PKHD1L1: variants seen among roughly 807,000 people sequenced by gnomAD.
PKHD1L1 encodes the protein fibrocystin-L.
Under a neutral mutation model 462.9 loss-of-function variants are expected in PKHD1L1, and 434 were observed. The observed-to-expected ratio is 0.94, with a 90% CI of 0.87 to 1.02. PKHD1L1 has a LOEUF of 1.02. PKHD1L1 is among the 50% of genes least tolerant of loss of function. PKHD1L1 has a pLI of 0.00. For synonymous variants in PKHD1L1, 1,781 were observed against 1,750.0 expected, an observed-to-expected ratio of 1.02 and a Z score of -0.44; for missense variants, 5,202 against 5,096.1, an observed-to-expected ratio of 1.02 and a Z score of -0.63.
intron 49 of PKHD1L1, among the ~76,000 whole-genome samples, chr8:109,466,142 G>A (rs1409485626): frequency 6.6e-6 from 1 of 152,102 alleles, no homozygotes; most frequent in Non-Finnish European, 1.5e-5. Flanking sequence ...CTTTAAAGAG[G>A]GAGAATGTTT....
intron 51 of PKHD1L1, among the ~76,000 whole-genome samples, chr8:109,476,042 A>G (rs1192966510): frequency 6.6e-6 from 1 of 152,084 alleles, no homozygotes. Flanking sequence ...TCCATCTTAT[A>G]CATGTTCTTC....
chr8:109,536,076 T>C lies in PKHD1L1; in HGVS notation c.*5986T>C, dbSNP rs1821141393. ...TTTGTTAATATATTGCTAGTAGACA[T>C]GTCTACTTCTGGTTGCTGATGACAT... is the stretch of plus-strand genomic sequence containing the variant. On this transcript the variant is annotated 3_prime_UTR_variant, in exon 78 of 78. Transcript: ENST00000378402. Among the ~76,000 whole-genome samples the C allele has an allele frequency of 6.6e-6, 1 of 152,198 alleles. No individual in the cohort carries two copies. Among genetic ancestry groups the C allele is most frequent in the Non-Finnish European group, 1.5e-5 (1 of 68,032 alleles).
chr8:109,517,957 T>A (rs1820356939), intron 72 of PKHD1L1, among the ~76,000 whole-genome samples: 1 of 152,086 alleles, frequency 6.6e-6, no homozygotes, highest in Non-Finnish European at 1.5e-5. Flanking sequence ...TGTGTAATGA[T>A]TATTTGTGGT....
intron 8 of PKHD1L1, among the ~76,000 whole-genome samples, chr8:109,389,866 T>G (rs1242969583): frequency 6.6e-6 from 1 of 152,148 alleles, no homozygotes; most frequent in African/African-American, 2.4e-5. Context: ...CTCTTCTGTC[T>G]CAGGCCCTTT....
Position 109,461,874 on chromosome 8 carries a change from C to T in PKHD1L1, c.7349C>T (p.Ala2450Val). The T allele has an allele frequency of 3.7e-6, 6 of 1,604,412 alleles. No homozygotes were observed. The South Asian group carries it at 4.5e-5, about 12-fold the overall frequency. The change falls in exon 48 of 78, where the codon GCT becomes GTT. Residue 2450 changes from alanine (A) to valine (V), a missense_variant. Around this residue, in one of 3 missense-constraint regions of PKHD1L1, gnomAD observed 4,497 missense variants for 4,336.8 expected, o/e 1.04. Coordinates refer to ENST00000378402, the MANE Select transcript of PKHD1L1 (RefSeq NM_177531.6). ...CVMFHAPVPGANMVTGRIEYV... is the reference protein window; with the variant it reads ...CVMFHAPVPGVNMVTGRIEYV... ...ATGTTTCATGCTCCTGTACCTGGTG[C>T]TAACATGGTAACTGGGAGAATAGAA...
Position 109,438,312 on chromosome 8 carries a change from C to T in PKHD1L1, c.3628-12C>T, listed in dbSNP as rs1368534580. ...CAATTAATATTTTCTAATTTTTTTC[C>T]TCTTATTTTAGAAAACTGAGGGTAC... On this transcript the variant is annotated splice_polypyrimidine_tract_variant and intron_variant, in intron 30 of 77. Transcript: ENST00000378402. The T allele has an allele frequency of 6.9e-6, 10 of 1,451,846 alleles. No homozygotes were observed. Among genetic ancestry groups the T allele is most frequent in the East Asian group, 5.2e-5 (2 of 38,794 alleles). The allele number at this position is 1,451,846 out of a possible 1,614,324, so 89.9% of individuals were successfully genotyped here. A position where few individuals can be genotyped will look rare whatever the true frequency, so the allele number is the denominator to read the frequency against.
chr8:109,363,039 C>T (rs960873998), intron 1 of PKHD1L1, among the ~76,000 whole-genome samples: 10 of 152,118 alleles, frequency 6.6e-5, no homozygotes, highest in African/African-American at 1.9e-4. Flanking sequence ...GGTCGCTTTC[C>T]TCACAACAGA....
At chr8:109,413,248 G>T (rs141153184) in intron 20 of PKHD1L1, among the ~76,000 whole-genome samples, 173 bp from the exon 21 acceptor site, 1 of 152,004 alleles carries the variant, frequency 6.6e-6, no homozygotes, top group African/African-American at 2.4e-5. Flanking sequence ...AAAATCTTTC[G>T]CAATTCTTCT....
At position 109,449,421 on chromosome 8, in the gene PKHD1L1, G is replaced by C; in HGVS notation, c.6109G>C (p.Glu2037Gln). Residue 2037 changes from glutamate (E) to glutamine (Q), a missense_variant, in exon 40 of 78, where the codon GAA (glutamate) becomes CAA (glutamine). By Grantham distance (29) the Glu-to-Gln change is conservative (BLOSUM62 2). Around this residue, in one of 3 missense-constraint regions of PKHD1L1, gnomAD observed 4,497 missense variants for 4,336.8 expected, o/e 1.04. Transcript: ENST00000378402. ...TTCAATTATATTAGTTTGTGGCTCA[G>C]AATGTGCAATTGACAGGCTTAGATC... ...QNSIILVCGS[E>Q]CAIDRLRSDY... is the part of the protein sequence containing the mutation. 1.3e-6 allele frequency: 2 copies of C among 1,596,798 alleles called. No homozygotes were observed. Among genetic ancestry groups the C allele is most frequent in the Non-Finnish European group, 1.7e-6 (2 of 1,170,440 alleles).
At chr8:109,386,019 G>A (rs1812425525) in intron 6 of PKHD1L1, among the ~76,000 whole-genome samples, 1 of 152,132 alleles carries the variant, frequency 6.6e-6, no homozygotes, top group African/African-American at 2.4e-5. Flanking sequence ...AGCTTAGTCA[G>A]GGTCAGGAGT....
chr8:109,521,578 G>C (rs1197499891), intron 73 of PKHD1L1, among the ~76,000 whole-genome samples: 2 of 152,092 alleles, frequency 1.3e-5, no homozygotes, highest in Non-Finnish European at 2.9e-5. Context: ...GTGCATTAAG[G>C]TACCACTTTT....
intron 2 of PKHD1L1, among the ~76,000 whole-genome samples, chr8:109,372,979 A>G (rs7827233): frequency 0.59 from 90,124 of 151,898 alleles, 27,308 homozygotes; most frequent in African/African-American, 0.71. Flanking sequence ...TTTTTGTTGC[A>G]TCTCTGCCCA....
rs1487321364 is a variant in PKHD1L1, at chr8:109,530,814, A to C, written c.*724A>C. 6.6e-6 allele frequency among the ~76,000 whole-genome samples: 1 copy of C among 152,056 alleles called. No homozygotes were observed. The highest frequency in any genetic ancestry group is 1.9e-4 in the East Asian group (1 of 5,186). On this transcript the variant is annotated 3_prime_UTR_variant, in exon 78 of 78. Transcript: ENST00000378402. ...CACTACTAAGAGCAGGACTCCCCTC[A>C]ACCCCGGGCATGAGTTGAGGGTTGA...
At chr8:109,391,075 A>G (rs1394102334) in intron 9 of PKHD1L1, among the ~76,000 whole-genome samples, 2 of 152,232 alleles carry the variant, frequency 1.3e-5, no homozygotes, top group African/African-American at 4.8e-5. Context: ...ATCTCAATGC[A>G]TGTTGAAACC....
intron 11 of PKHD1L1, among the ~76,000 whole-genome samples, chr8:109,396,536 T>TATTCTCCTCA (rs1347568559): frequency 1.6e-4 from 24 of 152,248 alleles, no homozygotes; most frequent in African/African-American, 4.3e-4. Context: ...ATATTTTGGT[T>TATTCTCCTCA]ATTCTCCTCA....
In PKHD1L1 at chr8:109,464,599, C is replaced by G; in HGVS notation, c.7767C>G (p.Asn2589Lys). Residue 2589 changes from asparagine to lysine, a missense_variant, in exon 49 of 78, where the codon AAC (asparagine) becomes AAG (lysine). This residue lies in a region of PKHD1L1 where 4,497 missense variants were observed against 4,336.8 expected (regional missense o/e 1.04). Transcript: ENST00000378402. ...ACTTTGGCTTTTGGTACCGGATGAACAACCACCCTGATGGGCCATCCTATG... is the reference window on the plus strand; with the variant it reads ...ACTTTGGCTTTTGGTACCGGATGAAGAACCACCCTGATGGGCCATCCTATG... ...GTHFGFWYRM[N>K]NHPDGPSYDR... is the part of the protein sequence containing the mutation. 6.2e-7 allele frequency: 1 copy of G among 1,612,798 alleles called. No homozygotes were observed. The highest frequency in any genetic ancestry group is 1.1e-5 in the South Asian group (1 of 91,082).
At chr8:109,407,964 A>T in intron 17 of PKHD1L1, 85 bp from the exon 18 acceptor site, 6 of 925,090 alleles carry the variant, frequency 6.5e-6, no homozygotes, top group Non-Finnish European at 8.4e-6. Flanking sequence ...TTGAGTGTCT[A>T]TTAAATATAT....
intron 7 of PKHD1L1, 30 bp from the exon 8 acceptor site, chr8:109,389,049 A>G (rs1812576408): frequency 7.0e-7 from 1 of 1,425,110 alleles, no homozygotes; most frequent in Non-Finnish European, 9.8e-7. Flanking sequence ...GTGTCTATAT[A>G]AGCTTTGACA....
At chr8:109,399,990 A>C in intron 12 of PKHD1L1, 86 bp from the exon 13 acceptor site, 1 of 1,377,532 alleles carries the variant, frequency 7.3e-7, no homozygotes, top group South Asian at 1.4e-5. Flanking sequence ...GATATACAAA[A>C]TCTATAACCA....
Sources: gnomAD v4.1 joint callset for allele counts (sites outside exome capture counted in the v4.1 genomes callset) on GRCh38, gnomAD v4.1.1 for gene constraint, gnomAD v4.1.1 regional missense constraint, MANE v1.5 for transcripts, NCBI Gene and HGNC (gene_info 2026-07-23, HGNC 2026-07-21) for gene names.